The following NTM variants were observed in gnomAD, a reference collection of about 807,000 sequenced individuals.
NTM encodes the protein neurotrimin.
A neutral mutation model predicts 42.1 loss-of-function variants in NTM; 13 were observed. That is an observed-to-expected ratio of 0.31 (90% CI 0.20 to 0.49). The LOEUF (loss-of-function observed/expected upper bound fraction) is 0.49, where lower values mean the gene tolerates loss of function less well. Ranked by LOEUF, NTM falls within the 20% of genes least tolerant of loss-of-function variation. The pLI, the probability that NTM is intolerant of heterozygous loss-of-function variation, is 0.99. For synonymous variants in NTM, 187 were observed against 179.2 expected (o/e 1.04, Z -0.35); for missense variants, 373 against 452.8 (o/e 0.82, Z 1.60).
intron 4 of NTM, among the ~76,000 whole-genome samples, chr11:132,253,192 T>C (rs918773424): frequency 2.6e-5 from 4 of 152,202 alleles, no homozygotes; most frequent in African/African-American, 9.7e-5. Flanking sequence ...TCTCACTATC[T>C]GATGATGATA....
intron 1 of NTM, among the ~76,000 whole-genome samples, chr11:131,759,450 G>T (rs770286693): frequency 6.6e-6 from 1 of 152,138 alleles, no homozygotes; most frequent in Non-Finnish European, 1.5e-5. Flanking sequence ...ATTGGGACAT[G>T]GACATTTTCA....
intron 1 of NTM, among the ~76,000 whole-genome samples, chr11:131,551,481 G>T (rs1247283826): frequency 1.3e-5 from 2 of 151,746 alleles, no homozygotes; most frequent in African/African-American, 4.8e-5. Flanking sequence ...CTCCCTCTTG[G>T]AATTCAATTC....
chr11:131,742,328 C>T (rs990502046), intron 1 of NTM, among the ~76,000 whole-genome samples: 8 of 152,132 alleles, frequency 5.3e-5, no homozygotes, highest in Non-Finnish European at 1.0e-4. Context: ...TAACTTGTTA[C>T]TTTATTTTAC....
intron 2 of NTM, among the ~76,000 whole-genome samples, chr11:132,144,545 A>G (rs1302512095): frequency 6.6e-6 from 1 of 152,234 alleles, no homozygotes; most frequent in Admixed American, 6.5e-5. Flanking sequence ...ACTGCTCCAT[A>G]TTAGTGGTTT....
chr11:132,138,478 A>G (rs938398405), intron 2 of NTM, among the ~76,000 whole-genome samples: 5 of 152,200 alleles, frequency 3.3e-5, no homozygotes, highest in Non-Finnish European at 7.3e-5. Context: ...AACAGTGAAA[A>G]GTGGTCCGGT....
chr11:131,476,281 G>A (rs12294175), intron 1 of NTM, among the ~76,000 whole-genome samples: 18,631 of 152,240 alleles, frequency 0.12, 1,250 homozygotes, highest in Non-Finnish European at 0.15. Context: ...TCAACTCACC[G>A]TGTTAAATGT....
chr11:131,458,555 C>T (rs1258218099), intron 1 of NTM, among the ~76,000 whole-genome samples: 1 of 152,202 alleles, frequency 6.6e-6, no homozygotes, highest in Non-Finnish European at 1.5e-5. Flanking sequence ...CCTTCTAACA[C>T]CCAGCAGGAT....
chr11:132,031,709 A>G (rs748247855), intron 2 of NTM, among the ~76,000 whole-genome samples: 3 of 152,334 alleles, frequency 2.0e-5, no homozygotes, highest in South Asian at 2.1e-4. Flanking sequence ...AGTCAGTTGT[A>G]TACATGAATC....
At chr11:131,605,510 T>G (rs1207511183) in intron 1 of NTM, among the ~76,000 whole-genome samples, 1 of 152,250 alleles carries the variant, frequency 6.6e-6, no homozygotes, top group Admixed American at 6.5e-5. Flanking sequence ...CAGTGATAGC[T>G]TTAATTCTTC....
At chr11:131,598,830 T>C (rs11222714) in intron 1 of NTM, among the ~76,000 whole-genome samples, 1,854 of 32,620 alleles carry the variant, frequency 0.057, 282 homozygotes, top group African/African-American at 0.19. Flanking sequence ...TTCTTTCTTC[T>C]TTCTTTCTTT....
At chr11:132,200,315 G>A (rs11222972) in intron 3 of NTM, among the ~76,000 whole-genome samples, 7,691 of 152,108 alleles carry the variant, frequency 0.051, 353 homozygotes, top group East Asian at 0.13. Flanking sequence ...AAGGAGTGTG[G>A]GAACAACTCA....
At chr11:131,799,275 C>T (rs965011892) in intron 1 of NTM, among the ~76,000 whole-genome samples, 2 of 152,120 alleles carry the variant, frequency 1.3e-5, no homozygotes, top group African/African-American at 4.8e-5. Context: ...CTATCGCATA[C>T]TAATGCACAG....
At chr11:132,308,674 G>A (rs2095180218) in intron 5 of NTM, among the ~76,000 whole-genome samples, 1 of 151,950 alleles carries the variant, frequency 6.6e-6, no homozygotes, top group African/African-American at 2.4e-5. Context: ...GAAGGATACT[G>A]TATCTAGGAG....
chr11:131,564,568 T>C (rs2056647984), intron 1 of NTM, among the ~76,000 whole-genome samples: 1 of 152,182 alleles, frequency 6.6e-6, no homozygotes. Flanking sequence ...ACATAATTAT[T>C]GTATACAACA....
intron 3 of NTM, among the ~76,000 whole-genome samples, chr11:132,155,504 G>T (rs887124617): frequency 1.3e-5 from 2 of 152,172 alleles, no homozygotes; most frequent in African/African-American, 4.8e-5. Flanking sequence ...GGTCTGGGTC[G>T]CATCCCGTTT....
intron 1 of NTM, among the ~76,000 whole-genome samples, chr11:131,692,218 C>T (rs2074864979): frequency 7.5e-6 from 1 of 133,196 alleles, no homozygotes; most frequent in East Asian, 1.9e-4. Context: ...GAGGTGCCAC[C>T]TCCCATGCAG....
At chr11:132,200,606 A>G (rs1265011104) in intron 3 of NTM, among the ~76,000 whole-genome samples, 1 of 152,242 alleles carries the variant, frequency 6.6e-6, no homozygotes, top group African/African-American at 2.4e-5. Context: ...TAGGCAATTA[A>G]GAATTAAAGT....
At chr11:131,938,954 G>A (rs1021886123) in intron 2 of NTM, among the ~76,000 whole-genome samples, 3 of 152,146 alleles carry the variant, frequency 2.0e-5, no homozygotes, top group Non-Finnish European at 4.4e-5. Flanking sequence ...AGGACCCTTA[G>A]ATACACTAAG....
intron 3 of NTM, among the ~76,000 whole-genome samples, chr11:132,202,472 C>T (rs879551097): frequency 4.6e-5 from 7 of 152,128 alleles, no homozygotes; most frequent in Non-Finnish European, 8.8e-5. Flanking sequence ...ATGGAAAACA[C>T]GCACAGCTGG....
Sources: allele counts gnomAD v4.1 joint callset (sites outside exome capture counted in the v4.1 genomes callset), GRCh38; gene constraint gnomAD v4.1.1; transcripts MANE v1.5; gene names NCBI Gene and HGNC (gene_info 2026-07-23, HGNC 2026-07-21).